Variants in CYP2C18 observed in about 807,000 individuals in gnomAD.
The protein encoded by CYP2C18 is cytochrome P450 2C18.
A neutral mutation model predicts 41.3 loss-of-function variants in CYP2C18; 38 were observed. The ratio of observed to expected loss-of-function variants is 0.92; its 90% CI spans 0.71 to 1.21. The LOEUF is 1.21. Ranked by LOEUF, CYP2C18 falls within the 50% of genes most tolerant of loss-of-function variation. The pLI, the probability that CYP2C18 is intolerant of heterozygous loss-of-function variation, is 0.00. For synonymous variants in CYP2C18, 236 were observed against 210.0 expected (o/e 1.12, Z -1.07); for missense variants, 635 against 591.4 (o/e 1.07, Z -0.77).
At chr10:94,717,852 T>C (rs1847580077) in intron 5 of CYP2C18, among the ~76,000 whole-genome samples, 1 of 152,154 alleles carries the variant, frequency 6.6e-6, no homozygotes, top group Non-Finnish European at 1.5e-5. Context: ...TTAATTACTA[T>C]TAATTTGTAG....
intron 5 of CYP2C18, among the ~76,000 whole-genome samples, chr10:94,720,043 G>T (rs968501881): frequency 6.6e-6 from 1 of 152,098 alleles, no homozygotes; most frequent in Non-Finnish European, 1.5e-5. Flanking sequence ...ATGTTCCAAG[G>T]TGATATCTAT....
rs368906791 is a variant in CYP2C18 at position 94,695,270 on chromosome 10, C to T, written c.642+193C>T. ...AACCCGTCATCTATATTAGGTATTT[C>T]TCCTAATGCTATCCCTCCCTTTACC... On this transcript the variant is annotated intron_variant, in intron 4 of 8. Coordinates refer to ENST00000285979, the MANE Select transcript of CYP2C18 (RefSeq NM_000772.3). Among the ~76,000 whole-genome samples, 13 of 152,218 alleles carry T rather than the reference C, an allele frequency of 8.5e-5. 1 individual carries two copies. The South Asian group carries it at 2.7e-3, about 32-fold the overall frequency.
At chr10:94,703,308 G>A (rs1402568601) in intron 4 of CYP2C18, among the ~76,000 whole-genome samples, 6 of 152,208 alleles carry the variant, frequency 3.9e-5, no homozygotes, top group South Asian at 2.1e-4. Flanking sequence ...AGGCAGAAAC[G>A]TTTAAGTCTG....
chr10:94,700,156 G>T lies in CYP2C18; in HGVS notation c.642+5079G>T, dbSNP rs1296225447. Among the ~76,000 whole-genome samples the T allele has an allele frequency of 2.0e-5, 3 of 152,164 alleles. No homozygotes were observed. The East Asian group carries it at 5.8e-4, about 29-fold the overall frequency. ...AAAGTTCATATGGAACCAAAAAAGA[G>T]CCCGCATTGCCAAGTCAATCCTAAG... On this transcript the variant is annotated intron_variant, in intron 4 of 8. Coordinates refer to ENST00000285979, the MANE Select transcript of CYP2C18 (RefSeq NM_000772.3).
Position 94,733,377 on chromosome 10 carries a change from C to G in CYP2C18, c.1230C>G (p.Gly410=). ...EFPNPEMFDP[G]HFLDKSGNFK... Reference sequence around the variant, plus strand: ...CCAACCCAGAGATGTTTGACCCTGGCCACTTTCTGGATAAGAGTGGCAACT... The same window carrying G: ...CCAACCCAGAGATGTTTGACCCTGGGCACTTTCTGGATAAGAGTGGCAACT... The change falls in exon 8 of 9, where the codon GGC becomes GGG. Residue 410 remains glycine, a synonymous_variant. Coordinates refer to ENST00000285979, the MANE Select transcript of CYP2C18 (RefSeq NM_000772.3). The G allele has an allele frequency of 1.2e-6, 2 of 1,613,410 alleles. No homozygotes were observed. The highest frequency in any genetic ancestry group is 2.2e-5 in the South Asian group (2 of 91,040).
At chr10:94,714,610 A>G (rs560890413) in intron 5 of CYP2C18, among the ~76,000 whole-genome samples, 1 of 152,106 alleles carries the variant, frequency 6.6e-6, no homozygotes, top group Admixed American at 6.6e-5. Flanking sequence ...GTCAGGTAGC[A>G]TGATGCCTCC....
At chr10:94,715,254 T>C (rs1041245178) in intron 5 of CYP2C18, among the ~76,000 whole-genome samples, 2 of 152,222 alleles carry the variant, frequency 1.3e-5, no homozygotes, top group African/African-American at 4.8e-5. Flanking sequence ...CCCTGTCTTG[T>C]GCCAGTTTTC....
At chr10:94,685,163 A>T (rs1027635876) in intron 1 of CYP2C18, among the ~76,000 whole-genome samples, 23 of 151,958 alleles carry the variant, frequency 1.5e-4, no homozygotes, top group Non-Finnish European at 2.9e-5. Flanking sequence ...ACCCCCAAGT[A>T]GCTGGGGCTA....
chr10:94,693,191 G>T (rs966222014), intron 3 of CYP2C18, among the ~76,000 whole-genome samples: 7 of 152,122 alleles, frequency 4.6e-5, no homozygotes, highest in Non-Finnish European at 7.4e-5. Context: ...CCATATTGGA[G>T]GTGGGGCCTT....
intron 7 of CYP2C18, among the ~76,000 whole-genome samples, chr10:94,732,165 A>G (rs1847845169): frequency 6.6e-6 from 1 of 152,214 alleles, no homozygotes; most frequent in South Asian, 2.1e-4. Context: ...AAAGTAAAAT[A>G]CATGAACAGA....
chr10:94,708,289 C>T (rs1368360582), intron 5 of CYP2C18, among the ~76,000 whole-genome samples: 2 of 152,166 alleles, frequency 1.3e-5, no homozygotes, highest in East Asian at 1.9e-4. Flanking sequence ...TACTCTCCAC[C>T]TTCTCTACTG....
intron 4 of CYP2C18, among the ~76,000 whole-genome samples, chr10:94,700,042 G>A (rs1847204875): frequency 6.6e-6 from 1 of 152,114 alleles, no homozygotes; most frequent in Non-Finnish European, 1.5e-5. Flanking sequence ...CATGAAGACG[G>A]CCATACTGCC....
At chr10:94,721,379 G>A (rs932431357) in intron 6 of CYP2C18, among the ~76,000 whole-genome samples, 1 of 152,088 alleles carries the variant, frequency 6.6e-6, no homozygotes, top group Non-Finnish European at 1.5e-5. Flanking sequence ...GGACAGTAAA[G>A]ACAGAAACTC....
intron 5 of CYP2C18, among the ~76,000 whole-genome samples, chr10:94,713,507 G>A (rs1163838855): frequency 3.9e-5 from 6 of 152,248 alleles, no homozygotes; most frequent in East Asian, 1.9e-4. Flanking sequence ...CAAGGGATAC[G>A]AACTCATCCT....
At chr10:94,693,161 A>G (rs1847043225) in intron 3 of CYP2C18, among the ~76,000 whole-genome samples, 1 of 152,172 alleles carries the variant, frequency 6.6e-6, no homozygotes, top group South Asian at 2.1e-4. Flanking sequence ...TTTAAAGTAT[A>G]TAAAAAAAAG....
At chr10:94,719,074 T>C (rs1167890449) in intron 5 of CYP2C18, among the ~76,000 whole-genome samples, 1 of 152,158 alleles carries the variant, frequency 6.6e-6, no homozygotes, top group Non-Finnish European at 1.5e-5. Flanking sequence ...TGTGAATAGA[T>C]ATTTATTTGG....
intron 4 of CYP2C18, among the ~76,000 whole-genome samples, chr10:94,695,981 C>T (rs7076520): frequency 8.5e-5 from 13 of 152,230 alleles, no homozygotes; most frequent in South Asian, 8.3e-4. Context: ...ACAAAGTGGC[C>T]GGGAAGCTGG....
chr10:94,700,917 A>G (rs959794894), intron 4 of CYP2C18, among the ~76,000 whole-genome samples: 2 of 152,242 alleles, frequency 1.3e-5, no homozygotes, highest in Non-Finnish European at 2.9e-5. Context: ...AACCACAATG[A>G]GATACCATCT....
intron 3 of CYP2C18, 128 bp downstream of exon 3, chr10:94,688,402 G>A: frequency 8.7e-7 from 1 of 1,148,144 alleles, no homozygotes; most frequent in East Asian, 2.6e-5. Flanking sequence ...CACAGAATGT[G>A]TAATGATCAA....
Sources: gnomAD v4.1 joint callset for allele counts (sites outside exome capture counted in the v4.1 genomes callset) on GRCh38, gnomAD v4.1.1 for gene constraint, MANE v1.5 for transcripts, NCBI Gene and HGNC (gene_info 2026-07-23, HGNC 2026-07-21) for gene names.